The following NTRK3 variants were observed in gnomAD, a reference collection of about 807,000 sequenced individuals.
NTRK3 encodes the protein NT-3 growth factor receptor.
A neutral mutation model predicts 91.7 loss-of-function variants in NTRK3; 24 were observed. That is an observed-to-expected ratio of 0.26 (90% confidence interval 0.19 to 0.37). NTRK3 has a LOEUF of 0.37. NTRK3 is among the 10% of genes least tolerant of loss of function. NTRK3 has a pLI of 1.00. For synonymous variants in NTRK3, 483 were observed against 404.0 expected, an observed-to-expected ratio of 1.20 and a Z score of -2.34; for missense variants, 880 against 1,068.9, an observed-to-expected ratio of 0.82 and a Z score of 2.46.
chr15:88,100,870 T>A (rs757023848), intron 13 of NTRK3, among the ~76,000 whole-genome samples: 51 of 152,056 alleles, frequency 3.4e-4, no homozygotes, highest in Non-Finnish European at 3.8e-4. Flanking sequence ...TTAATTCAAG[T>A]TGGATTAAAG....
intron 17 of NTRK3, among the ~76,000 whole-genome samples, chr15:87,883,308 T>C (rs1486467792): frequency 2.0e-5 from 3 of 148,628 alleles, no homozygotes; most frequent in African/African-American, 7.3e-5. Context: ...AAATTCACCA[T>C]TACGATGATG....
At chr15:87,867,305 C>A (rs1335702837) in exon 19 of NTRK3, 2 of 226,596 alleles carry the variant, frequency 8.8e-6, no homozygotes, top group East Asian at 1.3e-4. Flanking sequence ...GCCAATAGGG[C>A]TTTCCCTGGC....
At chr15:88,252,954 C>G (rs890602823) in intron 3 of NTRK3, 1 of 152,284 alleles carries the variant, frequency 6.6e-6, no homozygotes, top group African/African-American at 2.4e-5. Context: ...GATGGCCACA[C>G]AGGAATCACT....
At chr15:88,248,999 T>C (rs1020186881) in intron 3 of NTRK3, among the ~76,000 whole-genome samples, 1 of 152,184 alleles carries the variant, frequency 6.6e-6, no homozygotes. Flanking sequence ...AAGGGATTTG[T>C]TCAAAGCTAG....
At chr15:88,134,724 G>A (rs1168551755) in intron 10 of NTRK3, among the ~76,000 whole-genome samples, 2 of 152,174 alleles carry the variant, frequency 1.3e-5, no homozygotes, top group Admixed American at 6.5e-5. Flanking sequence ...GTGTAATCAT[G>A]ACTATTTCAT....
At chr15:88,216,766 CCTCCCATGGCAAGAG>C (rs1235650713) in intron 3 of NTRK3, among the ~76,000 whole-genome samples, 1 of 152,190 alleles carries the variant, frequency 6.6e-6, no homozygotes, top group Non-Finnish European at 1.5e-5. Flanking sequence ...TGCATGTCCT[CCTCCCATGGCAAGAG>C]CTCCAGAACT....
chr15:87,912,931 A>AAAAAATATATATATAT (rs1484111389), intron 17 of NTRK3, among the ~76,000 whole-genome samples: 2 of 36,492 alleles, frequency 5.5e-5, no homozygotes, highest in African/African-American at 1.4e-4. Flanking sequence ...AGTAAAAAAA[A>AAAAAATATATATATAT]ATATATATAT....
chr15:88,244,984 G>T (rs759648447), intron 3 of NTRK3, among the ~76,000 whole-genome samples: 1 of 152,198 alleles, frequency 6.6e-6, no homozygotes, highest in African/African-American at 2.4e-5. Flanking sequence ...GGGGAAGGCA[G>T]GTAGTTAAAG....
At chr15:87,981,800 T>C (rs1316343367) in intron 14 of NTRK3, among the ~76,000 whole-genome samples, 1 of 152,072 alleles carries the variant, frequency 6.6e-6, no homozygotes. Context: ...TAATATCCCA[T>C]CAAAAAAATT....
chr15:87,962,019 T>C (rs1343134146), intron 14 of NTRK3, among the ~76,000 whole-genome samples: 2 of 152,218 alleles, frequency 1.3e-5, no homozygotes, highest in East Asian at 3.9e-4. Context: ...CCCAGGGATC[T>C]TGGAATGCAC....
chr15:88,032,982 C>T (rs2142021913), exon 14 of NTRK3: 2 of 1,610,826 alleles, frequency 1.2e-6, no homozygotes, highest in African/African-American at 1.3e-5. Flanking sequence ...CGTGGTGATG[C>T]CGTGGTTGAT....
In NTRK3 at chr15:88,240,772, G is replaced by A. The variant is rs533659238; in HGVS notation, c.248+15134C>T. 7.2e-5 allele frequency among the ~76,000 whole-genome samples: 11 copies of A among 152,194 alleles called. No homozygotes were observed. Among genetic ancestry groups the A allele is most frequent in the African/African-American group, 2.4e-5 (1 of 41,442 alleles). On this transcript the variant is annotated intron_variant, in intron 3 of 18. Transcript: ENST00000394480. This position sits in a 1 kb window ranked among gnomAD's most constrained non-coding sequence, Gnocchi z 4.9. ...GGTTAAAATAAAAGTCCCCTTAAAG[G>A]AGCCCCCAGAGCAGTCATCACACAG...
chr15:88,094,183 T>G (rs1448594103), intron 13 of NTRK3, among the ~76,000 whole-genome samples: 2 of 151,870 alleles, frequency 1.3e-5, no homozygotes, highest in Non-Finnish European at 2.9e-5. Flanking sequence ...TAAAAAGAAG[T>G]CGGCCGGGCG....
chr15:88,212,182 C>T (rs1460589448), intron 3 of NTRK3, among the ~76,000 whole-genome samples: 1 of 152,146 alleles, frequency 6.6e-6, no homozygotes, highest in South Asian at 2.1e-4. Context: ...TCCTGGCTAA[C>T]ACGGTGAAAC....
At chr15:88,156,019 G>T (rs2043863777) in intron 5 of NTRK3, among the ~76,000 whole-genome samples, 1 of 152,166 alleles carries the variant, frequency 6.6e-6, no homozygotes, top group Non-Finnish European at 1.5e-5. Flanking sequence ...GAAAAATCCA[G>T]ACATTGCCTG....
intron 13 of NTRK3, among the ~76,000 whole-genome samples, chr15:88,094,358 A>G (rs1182017548): frequency 2.0e-5 from 3 of 151,294 alleles, no homozygotes; most frequent in African/African-American, 7.3e-5. Context: ...AGTCCCAGCT[A>G]CTCAGGAGGC....
chr15:88,249,531 G>A (rs1354411499), intron 3 of NTRK3, among the ~76,000 whole-genome samples: 1 of 152,144 alleles, frequency 6.6e-6, no homozygotes, highest in Non-Finnish European at 1.5e-5. Context: ...CTGAGTCCCT[G>A]CCCACTCTGG....
At chr15:88,184,482 C>G (rs1464121453) in intron 3 of NTRK3, among the ~76,000 whole-genome samples, 183 bp from the exon 4 acceptor site, 1 of 152,228 alleles carries the variant, frequency 6.6e-6, no homozygotes, top group South Asian at 2.1e-4. Context: ...CACCGTCTGC[C>G]TGATTGGGTT....
At chr15:87,932,880 A>T (rs2068929613) in intron 16 of NTRK3, 132 bp downstream of exon 16, 3 of 912,618 alleles carry the variant, frequency 3.3e-6, no homozygotes, top group Middle Eastern at 3.2e-4. Context: ...TATAAGAATG[A>T]ATGTGTTCAT....
Sources: allele counts gnomAD v4.1 joint callset (sites outside exome capture counted in the v4.1 genomes callset), GRCh38; gene constraint gnomAD v4.1.1; non-coding constraint Gnocchi (gnomAD v3.1); transcripts MANE v1.5; gene names NCBI Gene and HGNC (gene_info 2026-07-23, HGNC 2026-07-21).